FHOD3: variants seen among roughly 807,000 people sequenced by gnomAD.
The protein encoded by FHOD3 is formin homology 2 domain containing 3.
FHOD3 carries 90 observed loss-of-function variants against 173.0 expected under a neutral mutation model. That is an observed-to-expected ratio of 0.52 (90% CI 0.44 to 0.62). The LOEUF (loss-of-function observed/expected upper bound fraction) is 0.62, where lower values mean the gene tolerates loss of function less well. FHOD3 is among the 20% of genes least tolerant of loss of function. The pLI, the probability that FHOD3 is intolerant of heterozygous loss-of-function variation, is 0.00. For synonymous variants in FHOD3, 828 were observed against 823.0 expected (o/e 1.01, Z -0.10); for missense variants, 1,945 against 2,034.7 (o/e 0.96, Z 0.85).
chr18:36,757,185 G>A (rs549114649), intron 25 of FHOD3, among the ~76,000 whole-genome samples: 28 of 152,286 alleles, frequency 1.8e-4, no homozygotes, highest in Admixed American at 7.8e-4. Flanking sequence ...TGTTTCTAGA[G>A]TTTGATTCAA....
In FHOD3 at chr18:36,659,058, A is replaced by G. The variant is rs148205688; in HGVS notation, c.1835+870A>G. ...ACATGAGCGACATCAGAGATCACTT[A>G]CCTCAAATCCCAAATTTAAAGCAAC... On this transcript the variant is annotated intron_variant, in intron 14 of 28. Transcript: ENST00000590592. 5.4e-3 allele frequency among the ~76,000 whole-genome samples: 819 copies of G among 152,280 alleles called. 9 individuals are homozygous for G. The highest frequency in any genetic ancestry group is 0.019 in the African/African-American group (772 of 41,558).
At chr18:36,571,154 G>T (rs1244428974) in intron 5 of FHOD3, among the ~76,000 whole-genome samples, 1 of 152,026 alleles carries the variant, frequency 6.6e-6, no homozygotes, top group African/African-American at 2.4e-5. Context: ...AACACTCCTA[G>T]AATTAATGTT....
chr18:36,661,375 AT>A (rs1464574845), intron 14 of FHOD3, among the ~76,000 whole-genome samples: 5 of 152,182 alleles, frequency 3.3e-5, no homozygotes, highest in East Asian at 1.9e-4. Flanking sequence ...AATTTGTAAG[AT>A]TTATGGTTGG....
chr18:36,575,887 T>C (rs543790127), intron 5 of FHOD3, among the ~76,000 whole-genome samples: 203 of 152,374 alleles, frequency 1.3e-3, no homozygotes, highest in Middle Eastern at 6.8e-3. Flanking sequence ...TGTGATATCA[T>C]GTATTTTCAT....
Position 36,359,427 on chromosome 18 carries a change from C to T in FHOD3, c.272+3782C>T, listed in dbSNP as rs184869646. Among the ~76,000 whole-genome samples, 4 of 152,326 alleles carry T rather than the reference C, an allele frequency of 2.6e-5. No homozygotes were observed. In the East Asian group the frequency reaches 7.7e-4, roughly 29 times the overall value. Reference sequence around the variant, plus strand: ...AGAAAATAGAGCCAGGTCTGTTCATCACCTTCTGAGGCCAGGGAAATTAGC... The same window carrying T: ...AGAAAATAGAGCCAGGTCTGTTCATTACCTTCTGAGGCCAGGGAAATTAGC... On this transcript the variant is annotated intron_variant, in intron 2 of 28. Transcript: ENST00000590592.
Position 36,554,659 on chromosome 18 carries a change from A to G in FHOD3, c.512-21792A>G, listed in dbSNP as rs138755021. 3.1e-3 allele frequency among the ~76,000 whole-genome samples: 476 copies of G among 152,346 alleles called. 1 individual carries two copies. Among genetic ancestry groups the G allele is most frequent in the Admixed American group, 8.8e-3 (135 of 15,300 alleles). On this transcript the variant is annotated intron_variant, in intron 5 of 28. Coordinates refer to ENST00000590592, the MANE Select transcript of FHOD3 (RefSeq NM_001281740.3). ...AATAATAAAAAAAAGAATTGGTATTATTTCATCTTTAAACATTTATTATAA... is the reference window on the plus strand; with the variant it reads ...AATAATAAAAAAAAGAATTGGTATTGTTTCATCTTTAAACATTTATTATAA...
intron 6 of FHOD3, among the ~76,000 whole-genome samples, chr18:36,587,321 G>A (rs980728219): frequency 6.6e-6 from 1 of 152,158 alleles, no homozygotes; most frequent in African/African-American, 2.4e-5. Flanking sequence ...CCAAGTGAGC[G>A]GCCACCCTGG....
intron 3 of FHOD3, among the ~76,000 whole-genome samples, chr18:36,404,996 A>C (rs992248830): frequency 3.3e-5 from 5 of 152,130 alleles, no homozygotes; most frequent in African/African-American, 1.2e-4. Flanking sequence ...GTCCTTTAAA[A>C]GTTTTTCCAG....
intron 3 of FHOD3, among the ~76,000 whole-genome samples, chr18:36,390,739 G>T (rs1224088701): frequency 6.6e-6 from 1 of 152,148 alleles, no homozygotes; most frequent in Non-Finnish European, 1.5e-5. Flanking sequence ...AGTGACTGAT[G>T]TAACAGACCC....
chr18:36,581,352 TTATCTC>T (rs528350910), intron 6 of FHOD3, among the ~76,000 whole-genome samples: 37 of 152,190 alleles, frequency 2.4e-4, no homozygotes, highest in Non-Finnish European at 4.7e-4. Flanking sequence ...GTCTGTCTCT[TTATCTC>T]TATGGATCCT....
At chr18:36,597,083 G>GGGC (rs775815538) in intron 7 of FHOD3, among the ~76,000 whole-genome samples, 7 of 152,120 alleles carry the variant, frequency 4.6e-5, no homozygotes, top group Non-Finnish European at 1.0e-4. Context: ...GGTAACCCCA[G>GGGC]GGCCCTTGCT....
At chr18:36,307,922 A>T (rs1162653604) in intron 1 of FHOD3, among the ~76,000 whole-genome samples, 1 of 152,218 alleles carries the variant, frequency 6.6e-6, no homozygotes, top group Non-Finnish European at 1.5e-5. Context: ...TTTAACATCT[A>T]TTCATAATAA....
chr18:36,735,017 A>G (rs902144923), intron 20 of FHOD3, among the ~76,000 whole-genome samples: 1 of 152,216 alleles, frequency 6.6e-6, no homozygotes, highest in African/African-American at 2.4e-5. Context: ...GCCATCTCTA[A>G]GTAGCATTAA....
intron 10 of FHOD3, among the ~76,000 whole-genome samples, chr18:36,639,255 A>T (rs1302448714): frequency 6.6e-6 from 1 of 152,186 alleles, no homozygotes; most frequent in African/African-American, 2.4e-5. Context: ...TAAAGCAACG[A>T]ATATTGGCCG....
chr18:36,348,040 G>A (rs1217848309), intron 1 of FHOD3, among the ~76,000 whole-genome samples: 2 of 152,246 alleles, frequency 1.3e-5, no homozygotes, highest in African/African-American at 4.8e-5. Context: ...GGTTATGGGG[G>A]AATCATTAGT....
chr18:36,305,516 A>G (rs1465419434), intron 1 of FHOD3, among the ~76,000 whole-genome samples: 1 of 152,236 alleles, frequency 6.6e-6, no homozygotes, highest in Non-Finnish European at 1.5e-5. Context: ...GTGCCTCATC[A>G]TGCACTGATT....
At chr18:36,366,917 G>C (rs1167104338) in intron 2 of FHOD3, among the ~76,000 whole-genome samples, 1 of 152,202 alleles carries the variant, frequency 6.6e-6, no homozygotes, top group African/African-American at 2.4e-5. Context: ...TCTAATTTAA[G>C]TGGAGGAGTA....
chr18:36,310,687 CA>C (rs571273504), intron 1 of FHOD3, among the ~76,000 whole-genome samples: 1,471 of 72,568 alleles, frequency 0.02, 18 homozygotes, highest in African/African-American at 0.052. Context: ...GACTCCATCT[CA>C]AAAAAAAAAA....
intron 3 of FHOD3, among the ~76,000 whole-genome samples, chr18:36,391,863 C>G (rs1240504057): frequency 6.6e-6 from 1 of 152,174 alleles, no homozygotes; most frequent in Admixed American, 6.5e-5. Context: ...CCTGTGTCTG[C>G]TGACTCCTAC....
Sources: gnomAD v4.1 joint callset for allele counts (sites outside exome capture counted in the v4.1 genomes callset) on GRCh38, gnomAD v4.1.1 for gene constraint, MANE v1.5 for transcripts, NCBI Gene and HGNC (gene_info 2026-07-23, HGNC 2026-07-21) for gene names.